Variants in HDAC9 observed in about 807,000 individuals in gnomAD.
HDAC9 encodes the protein MEF-2 interacting transcription repressor (MITR) protein.
A neutral mutation model predicts 139.4 loss-of-function variants in HDAC9; 41 were observed. That is an observed-to-expected ratio of 0.29 (90% CI 0.23 to 0.38). The LOEUF is 0.38. HDAC9 is among the 10% of genes least tolerant of loss of function. The pLI, the probability that HDAC9 is intolerant of heterozygous loss-of-function variation, is 1.00. For synonymous variants in HDAC9, 517 were observed against 476.2 expected, an observed-to-expected ratio of 1.09 and a Z score of -1.12; for missense variants, 1,147 against 1,297.0, an observed-to-expected ratio of 0.88 and a Z score of 1.78.
In HDAC9 at chr7:18,594,005, G is replaced by C. The variant is rs750608680; in HGVS notation, c.640G>C (p.Asp214His). Residue 214 changes from aspartate (D) to histidine (H), a missense_variant, in exon 6 of 26, where the codon GAT becomes CAT. Asp to His is a moderately conservative substitution (Grantham distance 81). This residue lies in a region of HDAC9 where 79 missense variants were observed against 65.8 expected (regional missense o/e 1.20). Transcript: ENST00000686413. Reference protein sequence around the residue: ...YTLPGAQDAKDDFPLRKTASE... With the variant: ...YTLPGAQDAKHDFPLRKTASE... ...ATTACCAGGAGCACAAGATGCAAAG[G>C]ATGATTTCCCCCTTCGAAAAACTGG... 1.2e-6 allele frequency: 2 copies of C among 1,612,642 alleles called. No homozygotes were observed. The highest frequency in any genetic ancestry group is 2.2e-5 in the East Asian group (1 of 44,868).
In HDAC9 at chr7:18,996,888, A is replaced by G. The variant is rs1321890111; in HGVS notation, c.*826A>G. ...GTTCTCATGACAGTAGGTCTGAGCA[A>G]ATGTTCCACCAAGCATTTTCAGTGT... On this transcript the variant is annotated 3_prime_UTR_variant, in exon 26 of 26. Transcript: ENST00000686413. 6.6e-6 allele frequency: 1 copy of G among 152,192 alleles called. No homozygotes were observed. Among genetic ancestry groups the G allele is most frequent in the Non-Finnish European group, 1.5e-5 (1 of 68,042 alleles). 9.4% of individuals were successfully genotyped at this position (152,192 alleles called of 1,614,324 possible). A position where few individuals can be genotyped will look rare whatever the true frequency, so the allele number is the denominator to read the frequency against.
At chr7:18,204,332 C>CTTTTTTTTTT in intron 2 of HDAC9, among the ~76,000 whole-genome samples, 1 of 116,016 alleles carries the variant, frequency 8.6e-6, no homozygotes, top group Non-Finnish European at 1.8e-5. Context: ...TTGAATCTGC[C>CTTTTTTTTTT]TTTTTTTTTT....
intron 1 of HDAC9, among the ~76,000 whole-genome samples, chr7:18,306,986 G>GT (rs1401373464): frequency 6.6e-6 from 1 of 152,060 alleles, no homozygotes; most frequent in Non-Finnish European, 1.5e-5. Flanking sequence ...TCATTCCACA[G>GT]TTAACATTGT....
At chr7:18,324,652 G>A (rs868148751) in intron 1 of HDAC9, among the ~76,000 whole-genome samples, 3 of 152,070 alleles carry the variant, frequency 2.0e-5, no homozygotes, top group African/African-American at 4.8e-5. Flanking sequence ...GGCCCATTGC[G>A]GAACTACTGA....
chr7:18,290,741 T>G (rs1361184042), intron 1 of HDAC9, among the ~76,000 whole-genome samples: 3 of 152,186 alleles, frequency 2.0e-5, no homozygotes, highest in African/African-American at 7.2e-5. Context: ...CTTTATTATT[T>G]CAGATAGACA....
Position 18,996,267 on chromosome 7 carries a change from C to A in HDAC9, c.*205C>A. On this transcript the variant is annotated 3_prime_UTR_variant, in exon 26 of 26. Transcript: ENST00000686413. ...ATTAAAGATTCCTTAAACGTAACCG[C>A]TGTGATTCTAGAGTTACAGTAAACC... The A allele has an allele frequency of 8.2e-6, 4 of 489,458 alleles. No homozygotes were observed. Among genetic ancestry groups the A allele is most frequent in the Non-Finnish European group, 1.1e-5 (3 of 268,876 alleles). The allele number at this position is 489,458 out of a possible 1,614,324, so 30.3% of individuals were successfully genotyped here. A position where few individuals can be genotyped will look rare whatever the true frequency, so the allele number is the denominator to read the frequency against.
At chr7:18,360,326 C>T (rs769556071) in intron 1 of HDAC9, among the ~76,000 whole-genome samples, 8 of 152,152 alleles carry the variant, frequency 5.3e-5, no homozygotes, top group Non-Finnish European at 8.8e-5. Flanking sequence ...TCTGTACTGT[C>T]GTACTCCTTC....
intron 25 of HDAC9, among the ~76,000 whole-genome samples, chr7:18,995,445 C>T (rs77683306): frequency 0.019 from 2,841 of 152,326 alleles, 89 homozygotes; most frequent in African/African-American, 0.065. Flanking sequence ...GCAGAATACC[C>T]TGCAGATGAT....
intron 2 of HDAC9, among the ~76,000 whole-genome samples, chr7:18,273,055 C>CTTTTTTTTTTTTTTTTTTTTTTTTTTT (rs1491175072): frequency 1.5e-5 from 1 of 68,234 alleles, no homozygotes; most frequent in African/African-American, 6.4e-5. Context: ...TCCCCTTCTT[C>CTTTTTTTTTTTTTTTTTTTTTTTTTTT]GTTTTTTTTT....
At chr7:18,677,355 A>G (rs1367997552) in intron 12 of HDAC9, among the ~76,000 whole-genome samples, 2 of 151,180 alleles carry the variant, frequency 1.3e-5, no homozygotes, top group Admixed American at 6.6e-5. Flanking sequence ...GCCACTGTAC[A>G]GATATGCCAC....
chr7:18,829,086 C>A, intron 17 of HDAC9, 75 bp from the exon 18 acceptor site: 1 of 1,011,582 alleles, frequency 9.9e-7, no homozygotes, highest in South Asian at 1.3e-5. Flanking sequence ...CACTGTTGTG[C>A]CTGGAGATCC....
chr7:18,434,630 A>G (rs370598025), intron 1 of HDAC9, among the ~76,000 whole-genome samples: 211 of 152,360 alleles, frequency 1.4e-3, no homozygotes, highest in African/African-American at 4.6e-3. Context: ...ACCAACAAGC[A>G]TATGAAAAAA....
chr7:18,374,218 TACAC>T (rs112345551), intron 1 of HDAC9, among the ~76,000 whole-genome samples: 1 of 145,222 alleles, frequency 6.9e-6, no homozygotes, highest in Non-Finnish European at 1.5e-5. Context: ...TATATATATA[TACAC>T]ACACACATAT....
intron 12 of HDAC9, among the ~76,000 whole-genome samples, chr7:18,688,476 A>G (rs1733329235): frequency 6.6e-6 from 1 of 151,946 alleles, no homozygotes. Context: ...ATATTTTTAC[A>G]TATGCCCTCT....
chr7:18,302,179 CTTGT>C (rs1798581446), intron 1 of HDAC9, among the ~76,000 whole-genome samples: 1 of 152,158 alleles, frequency 6.6e-6, no homozygotes, highest in Non-Finnish European at 1.5e-5. Flanking sequence ...TTCCAGTCTA[CTTGT>C]TTGTTTGCAC....
At chr7:18,387,101 G>A (rs753975886) in intron 1 of HDAC9, among the ~76,000 whole-genome samples, 1 of 152,168 alleles carries the variant, frequency 6.6e-6, no homozygotes, top group Admixed American at 6.5e-5. Context: ...AAGAAGATTC[G>A]AAGAGGAAGA....
chr7:18,501,893 A>T (rs1374668967), intron 2 of HDAC9, among the ~76,000 whole-genome samples: 1 of 152,212 alleles, frequency 6.6e-6, no homozygotes, highest in Non-Finnish European at 1.5e-5. Context: ...CCTGCAGATA[A>T]AAGAACACTC....
chr7:18,523,119 G>T (rs565619633), intron 2 of HDAC9, among the ~76,000 whole-genome samples: 1 of 152,336 alleles, frequency 6.6e-6, no homozygotes, highest in East Asian at 1.9e-4. Context: ...GATCTATAAT[G>T]TTGCCATGGC....
chr7:18,943,890 G>C (rs965027743), intron 23 of HDAC9, among the ~76,000 whole-genome samples: 1 of 152,032 alleles, frequency 6.6e-6, no homozygotes, highest in Non-Finnish European at 1.5e-5. Flanking sequence ...GCAGGCAGAC[G>C]CAATCTGAAT....
Sources: gnomAD v4.1 joint callset for allele counts (sites outside exome capture counted in the v4.1 genomes callset) on GRCh38, gnomAD v4.1.1 for gene constraint, gnomAD v4.1.1 regional missense constraint, MANE v1.5 for transcripts, NCBI Gene and HGNC (gene_info 2026-07-23, HGNC 2026-07-21) for gene names.